Variants in VPS13D observed in about 807,000 individuals in gnomAD.
VPS13D encodes the protein vacuolar protein sorting 13 homolog D, also known as intermembrane lipid transfer protein VPS13D.
Under a neutral mutation model 461.9 loss-of-function variants are expected in VPS13D, and 187 were observed. The observed-to-expected ratio is 0.40, with a 90% CI of 0.36 to 0.46. The LOEUF is 0.46. VPS13D is among the 20% of genes least tolerant of loss of function. The pLI is 0.60. For synonymous variants in VPS13D, 1,951 were observed against 1,986.3 expected (o/e 0.98, Z 0.47); for missense variants, 4,711 against 5,364.9 (o/e 0.88, Z 3.81).
chr1:12,446,621 A>G (rs1645195677), intron 65 of VPS13D, among the ~76,000 whole-genome samples: 1 of 152,152 alleles, frequency 6.6e-6, no homozygotes, highest in Non-Finnish European at 1.5e-5. Flanking sequence ...CATTACTGGT[A>G]CATGAAACAG....
intron 57 of VPS13D, among the ~76,000 whole-genome samples, chr1:12,382,376 A>G (rs1027689009): frequency 6.6e-6 from 1 of 152,176 alleles, no homozygotes; most frequent in African/African-American, 2.4e-5. Flanking sequence ...TGCTGGGATT[A>G]CAGGCTGAGC....
rs1242660564 is a variant in VPS13D, at chr1:12,304,662, A to G, written c.6373A>G (p.Ser2125Gly). Residue 2125 changes from serine to glycine, a missense_variant, in exon 26 of 70, where the codon AGT becomes GGT. Physicochemically the swap from Ser to Gly is moderately conservative, Grantham distance 56. Around this residue, in one of 3 missense-constraint regions of VPS13D, gnomAD observed 4,411 missense variants for 4,937.8 expected, o/e 0.89. Transcript: ENST00000620676. ...AAGCCTGAAGAGTGAGTTTGTGCCC[A>G]GTACCTCCACCAAGCAGCAAGGGCC... The part of the protein sequence containing the change: ...LGSLKSEFVP[S>G]TSTKQQGPQP... 1.2e-6 allele frequency: 2 copies of G among 1,613,952 alleles called. No homozygotes were observed. Among genetic ancestry groups the G allele is most frequent in the African/African-American group, 2.7e-5 (2 of 74,906 alleles).
intron 62 of VPS13D, 107 bp from the exon 63 acceptor site, chr1:12,403,718 G>A: frequency 9.1e-7 from 1 of 1,096,712 alleles, no homozygotes; most frequent in Non-Finnish European, 1.3e-6. Context: ...AGTGATAGAT[G>A]GTTTCCTTTT....
intron 6 of VPS13D, among the ~76,000 whole-genome samples, chr1:12,250,524 C>T (rs1640700847): frequency 6.6e-6 from 1 of 152,198 alleles, no homozygotes; most frequent in Non-Finnish European, 1.5e-5. Context: ...TCCATCTGCC[C>T]ATTTTGTCCC....
Position 12,510,554 on chromosome 1 carries a change from T to TGCGC in VPS13D, c.*1540_*1543dup, listed in dbSNP as rs748640775. 5 of 147,272 alleles carry TGCGC rather than the reference T, an allele frequency of 3.4e-5. No individual in the cohort carries two copies. Among genetic ancestry groups the TGCGC allele is most frequent in the African/African-American group, 1.0e-4 (4 of 39,348 alleles). The allele number at this position is 147,272 out of a possible 1,614,324, so 9.1% of individuals were successfully genotyped here. ...GTGTGTGTGTGTGTGTGTGTGTGTG[T>TGCGC]GCGCGCGCGCGCGTGCATGCAGAGA... On this transcript the variant is annotated 3_prime_UTR_variant, in exon 70 of 70. Transcript: ENST00000620676.
chr1:12,299,315 G>A lies in VPS13D; in HGVS notation c.6147G>A (p.Leu2049=), dbSNP rs766083800. Residue 2049 remains leucine (L), a synonymous_variant, in exon 25 of 70, where the codon TTG becomes TTA. Coordinates refer to ENST00000620676, the MANE Select transcript of VPS13D (RefSeq NM_015378.4). This position sits in a 1 kb window ranked among gnomAD's most constrained non-coding sequence, Gnocchi z 4.2. ...CAAATAATCTGATTGTAGCAAATTT[G>A]GGGAAGTTGAAAGTCAAAAATAAGT... ...SRSNNLIVAN[L]GKLKVKNKFL... 1 of 1,613,938 alleles carries A rather than the reference G, an allele frequency of 6.2e-7. No homozygotes were observed. The highest frequency in any genetic ancestry group is 1.1e-5 in the South Asian group (1 of 91,026).
rs755933383 is a variant in VPS13D, at chr1:12,349,242, C to T, written c.9299C>T (p.Ala3100Val). Reference sequence around the variant, plus strand: ...CACCTCACTTCTTGGCGGCTACAGGCCCGGCCCAAAGGATTGGGTGTATTT... The same window carrying T: ...CACCTCACTTCTTGGCGGCTACAGGTCCGGCCCAAAGGATTGGGTGTATTT... Reference protein sequence around the residue: ...PLHLTSWRLQARPKGLGVFFC... With the variant: ...PLHLTSWRLQVRPKGLGVFFC... Residue 3100 changes from alanine to valine, a missense_variant, in exon 46 of 70, where the codon GCC becomes GTC. By Grantham distance (64) the Ala-to-Val change is moderately conservative. This residue lies in a region of VPS13D where 4,411 missense variants were observed against 4,937.8 expected (regional missense o/e 0.89). Coordinates refer to ENST00000620676, the MANE Select transcript of VPS13D (RefSeq NM_015378.4). The T allele has an allele frequency of 1.9e-6, 3 of 1,614,170 alleles. No homozygotes were observed. In the South Asian group the frequency reaches 3.3e-5, roughly 18 times the overall value.
chr1:12,431,400 T>C (rs1342977094), intron 65 of VPS13D, among the ~76,000 whole-genome samples: 1 of 150,256 alleles, frequency 6.7e-6, no homozygotes, highest in East Asian at 1.9e-4. Flanking sequence ...TGTAAGGTTC[T>C]CAAAGCTAAT....
At chr1:12,332,541 A>G (rs1643357850) in intron 37 of VPS13D, among the ~76,000 whole-genome samples, 1 of 152,212 alleles carries the variant, frequency 6.6e-6, no homozygotes, top group African/African-American at 2.4e-5. Flanking sequence ...TAAGAAAGGT[A>G]TATATGCTTG....
intron 61 of VPS13D, among the ~76,000 whole-genome samples, chr1:12,401,119 T>A (rs1323627737): frequency 1.3e-5 from 2 of 152,208 alleles, no homozygotes; most frequent in Non-Finnish European, 2.9e-5. Flanking sequence ...TGATAAACTT[T>A]CTTTCTTGGA....
At chr1:12,443,325 A>G (rs1645152507) in intron 65 of VPS13D, among the ~76,000 whole-genome samples, 1 of 152,170 alleles carries the variant, frequency 6.6e-6, no homozygotes, top group South Asian at 2.1e-4. Context: ...ATTCATTGTC[A>G]CTGCTGTATA....
In VPS13D at chr1:12,291,037, C is replaced by G. The variant is rs367780806; in HGVS notation, c.5765C>G (p.Ser1922Cys). The G allele has an allele frequency of 6.2e-7, 1 of 1,613,898 alleles. No individual in the cohort carries two copies. The highest frequency in any genetic ancestry group is 1.7e-5 in the Admixed American group (1 of 59,976). The change falls in exon 23 of 70, where the codon TCT (serine) becomes TGT (cysteine). Residue 1922 changes from serine to cysteine, a missense_variant. Transcript: ENST00000620676. Reference sequence around the variant, plus strand: ...TTACAGGGCAGCATTGGGAGTCTGTCTCTAAGTGACCTCACATGCCATGGA... The same window carrying G: ...TTACAGGGCAGCATTGGGAGTCTGTGTCTAAGTGACCTCACATGCCATGGA... ...LALQGSIGSL[S>C]LSDLTCHGEF... is the part of the protein sequence containing the mutation.
chr1:12,326,889 C>T (rs377690905), intron 35 of VPS13D, among the ~76,000 whole-genome samples: 4 of 151,978 alleles, frequency 2.6e-5, no homozygotes, highest in African/African-American at 2.4e-5. Context: ...ATGATCTGTC[C>T]GCCTTGGCCT....
intron 47 of VPS13D, among the ~76,000 whole-genome samples, chr1:12,354,885 TAAAAGG>T (rs1033442657): frequency 1.3e-5 from 2 of 152,168 alleles, no homozygotes; most frequent in Non-Finnish European, 2.9e-5. Context: ...TAAGGGTTGT[TAAAAGG>T]AAAAGTTCAG....
chr1:12,372,236 T>G (rs1224405151), intron 54 of VPS13D, among the ~76,000 whole-genome samples: 1 of 152,066 alleles, frequency 6.6e-6, no homozygotes, highest in Non-Finnish European at 1.5e-5. Flanking sequence ...AAAAAATTTT[T>G]TTTTGGTAGA....
chr1:12,348,994 A>G (rs755396249), intron 45 of VPS13D, 21 bp downstream of exon 45: 12 of 1,613,906 alleles, frequency 7.4e-6, no homozygotes, highest in Middle Eastern at 1.6e-4. Flanking sequence ...ATTGTCTAGC[A>G]TATAGTAAAT....
At chr1:12,393,729 T>C (rs946142648) in intron 60 of VPS13D, among the ~76,000 whole-genome samples, 2 of 152,182 alleles carry the variant, frequency 1.3e-5, no homozygotes, top group African/African-American at 2.4e-5. Context: ...CTCTAAGGGC[T>C]TCCATTTGGC....
At chr1:12,318,028 T>G in intron 30 of VPS13D, 44 bp from the exon 31 acceptor site, 1 of 1,558,274 alleles carries the variant, frequency 6.4e-7, no homozygotes, top group Non-Finnish European at 8.7e-7. Flanking sequence ...GAAATAACCA[T>G]GTTTCTTTTT....
chr1:12,408,210 A>G (rs1644679713), intron 63 of VPS13D, among the ~76,000 whole-genome samples: 1 of 152,220 alleles, frequency 6.6e-6, no homozygotes. Flanking sequence ...CTTTCTACCT[A>G]ATAGGTAGTT....
Sources: allele counts gnomAD v4.1 joint callset (sites outside exome capture counted in the v4.1 genomes callset), GRCh38; gene constraint gnomAD v4.1.1; regional missense constraint gnomAD v4.1.1; non-coding constraint Gnocchi (gnomAD v3.1); transcripts MANE v1.5; gene names NCBI Gene and HGNC (gene_info 2026-07-23, HGNC 2026-07-21).